The following MAGI3 variants were observed in gnomAD, a reference collection of about 807,000 sequenced individuals.
The protein encoded by MAGI3 is membrane associated guanylate kinase, WW and PDZ domain containing 3, also known as membrane-associated guanylate kinase, WW and PDZ domain-containing protein 3.
MAGI3 carries 43 observed loss-of-function variants against 121.8 expected under a neutral mutation model. The ratio of observed to expected loss-of-function variants is 0.35; its 90% CI spans 0.28 to 0.46. MAGI3 has a LOEUF of 0.46. MAGI3 is among the 20% of genes least tolerant of loss of function. MAGI3 has a pLI of 1.00. For missense variants in MAGI3, 1,547 were observed against 1,797.3 expected (o/e 0.86, Z 2.52); for synonymous variants, 553 against 639.3 (o/e 0.86, Z 2.04).
intron 1 of MAGI3, among the ~76,000 whole-genome samples, chr1:113,474,368 G>A (rs938595136): frequency 3.4e-4 from 52 of 152,138 alleles, no homozygotes; most frequent in African/African-American, 1.2e-3. Flanking sequence ...TATTGCCTAG[G>A]TTTTCTTCTA....
intron 1 of MAGI3, among the ~76,000 whole-genome samples, chr1:113,494,483 T>C (rs1252860975): frequency 1.3e-5 from 2 of 152,204 alleles, no homozygotes; most frequent in Non-Finnish European, 2.9e-5. Context: ...CAAACCTGCA[T>C]GTGTACCCTT....
At chr1:113,527,425 C>G (rs1658502281) in intron 1 of MAGI3, among the ~76,000 whole-genome samples, 1 of 152,102 alleles carries the variant, frequency 6.6e-6, no homozygotes, top group Admixed American at 6.6e-5. Context: ...AGAATGAATT[C>G]ACCCAAATGA....
chr1:113,456,432 T>C (rs1654762986), intron 1 of MAGI3, among the ~76,000 whole-genome samples: 1 of 152,236 alleles, frequency 6.6e-6, no homozygotes, highest in Non-Finnish European at 1.5e-5. Context: ...TATAGAAAGC[T>C]ATCCAGTTCA....
intron 2 of MAGI3, among the ~76,000 whole-genome samples, chr1:113,566,200 T>A (rs944704158): frequency 6.6e-6 from 1 of 152,186 alleles, no homozygotes; most frequent in African/African-American, 2.4e-5. Flanking sequence ...AAATTAAACA[T>A]ACACTTAACC....
At chr1:113,414,049 T>C (rs1652158664) in intron 1 of MAGI3, among the ~76,000 whole-genome samples, 1 of 152,112 alleles carries the variant, frequency 6.6e-6, no homozygotes, top group South Asian at 2.1e-4. Flanking sequence ...TGAGATACGT[T>C]CCATGAATAC....
chr1:113,683,749 G>A lies in MAGI3; in HGVS notation c.4181G>A (p.Ser1394Asn), dbSNP rs1416614774. 2 of 1,602,544 alleles carry A rather than the reference G, an allele frequency of 1.2e-6. No individual in the cohort carries two copies. Among genetic ancestry groups the A allele is most frequent in the Non-Finnish European group, 1.7e-6 (2 of 1,174,016 alleles). The change falls in exon 21 of 21, where the codon AGT (serine) becomes AAT (asparagine). Residue 1394 changes from serine (S) to asparagine (N), a missense_variant. By Grantham distance (46) the Ser-to-Asn change is conservative. Coordinates refer to ENST00000307546, the MANE Select transcript of MAGI3 (RefSeq NM_001142782.2). Reference sequence around the variant, plus strand: ...AAGAAAGTAACCACAGGAGAAACAAGTTCTAGTAACGATAAAATAGGAGAA... The same window carrying A: ...AAGAAAGTAACCACAGGAGAAACAAATTCTAGTAACGATAAAATAGGAGAA... The part of the protein sequence containing the change: ...KGKKVTTGET[S>N]SSNDKIGENV...
At chr1:113,421,006 A>G (rs1182178341) in intron 1 of MAGI3, among the ~76,000 whole-genome samples, 1 of 152,204 alleles carries the variant, frequency 6.6e-6, no homozygotes, top group Non-Finnish European at 1.5e-5. Context: ...TTATAGATTA[A>G]AACTTTTTTT....
chr1:113,575,400 C>G (rs112255321), intron 2 of MAGI3, among the ~76,000 whole-genome samples: 115 of 152,138 alleles, frequency 7.6e-4, no homozygotes, highest in African/African-American at 2.6e-3. Flanking sequence ...GGTTAATGTT[C>G]ATGTTATTGC....
At position 113,642,492 on chromosome 1, in the gene MAGI3, G is replaced by T. The variant is rs772683176; in HGVS notation, c.1942G>T (p.Val648Leu). Reference sequence around the variant, plus strand: ...AAAGCAGTTTCCAGTAGGTGCTGATGTACCATTGCTTATCTTAAGAGGAGG... The same window carrying T: ...AAAGCAGTTTCCAGTAGGTGCTGATTTACCATTGCTTATCTTAAGAGGAGG... ...VLKQFPVGAD[V>L]PLLILRGGPP... is the part of the protein sequence containing the mutation. The change falls in exon 10 of 21, where the codon GTA becomes TTA. Residue 648 changes from valine (V) to leucine (L), a missense_variant. Physicochemically the swap from Val to Leu is conservative, Grantham distance 32. Transcript: ENST00000307546. 8 of 1,612,682 alleles carry T rather than the reference G, an allele frequency of 5.0e-6. No individual in the cohort carries two copies. The highest frequency in any genetic ancestry group is 6.8e-6 in the Non-Finnish European group (8 of 1,178,974).
chr1:113,670,088 C>T (rs1212321167), intron 16 of MAGI3, among the ~76,000 whole-genome samples: 1 of 149,324 alleles, frequency 6.7e-6, no homozygotes, highest in Admixed American at 6.7e-5. Flanking sequence ...AGAGGAAACA[C>T]AACCCTCTGG....
chr1:113,531,855 A>G lies in MAGI3; in HGVS notation c.317-17660A>G, dbSNP rs191014396. Among the ~76,000 whole-genome samples the G allele has an allele frequency of 4.5e-3, 678 of 152,266 alleles. 8 individuals carry two copies. The highest frequency in any genetic ancestry group is 0.016 in the African/African-American group (650 of 41,552). On this transcript the variant is annotated intron_variant, in intron 1 of 20. Transcript: ENST00000307546. ...ACTGCAGCCACACTAAGGAACTAAA[A>G]CAACTTCATATGTATGAGCCTAGGA...
intron 1 of MAGI3, among the ~76,000 whole-genome samples, chr1:113,473,469 A>G (rs944102182): frequency 5.5e-5 from 7 of 128,424 alleles, no homozygotes; most frequent in East Asian, 5.0e-4. Flanking sequence ...CCTGTGTCCA[A>G]GTGATCTCAT....
In MAGI3 at chr1:113,685,406, CTTGTTGTGAA is replaced by C. The variant is rs998462349; in HGVS notation, c.*1393_*1402del. ...CACTTGTTCTGTCACCTGGGTTCAT[CTTGTTGTGAA>C]GCACATTAGGTCCAGGTCCTTCCCT... On this transcript the variant is annotated 3_prime_UTR_variant, in exon 21 of 21. Transcript: ENST00000307546. The C allele has an allele frequency of 1.3e-5, 2 of 152,330 alleles. No individual in the cohort carries two copies. The highest frequency in any genetic ancestry group is 6.5e-5 in the Admixed American group (1 of 15,282). 9.4% of individuals were successfully genotyped at this position (152,330 alleles called of 1,614,324 possible).
chr1:113,638,223 C>T (rs1047212562), intron 9 of MAGI3, among the ~76,000 whole-genome samples: 8 of 152,212 alleles, frequency 5.3e-5, no homozygotes, highest in Admixed American at 1.3e-4. Context: ...GCCTTCTTCT[C>T]TCAACTCGTC....
chr1:113,670,687 T>C (rs565037644), intron 16 of MAGI3, among the ~76,000 whole-genome samples: 34 of 152,228 alleles, frequency 2.2e-4, no homozygotes, highest in Non-Finnish European at 4.4e-5. Flanking sequence ...AACTGTTATA[T>C]TGTGACTATT....
chr1:113,564,967 A>G (rs531407622), intron 2 of MAGI3, among the ~76,000 whole-genome samples: 225 of 152,152 alleles, frequency 1.5e-3, no homozygotes, highest in African/African-American at 5.3e-3. Context: ...CTCCTGCCTC[A>G]GCCTCCTGAG....
chr1:113,583,659 ATC>A (rs1165351489), intron 3 of MAGI3, among the ~76,000 whole-genome samples: 5 of 151,930 alleles, frequency 3.3e-5, no homozygotes, highest in Non-Finnish European at 5.9e-5. Context: ...CCCCAGCCAA[ATC>A]TCTGTTTGGT....
chr1:113,643,748 C>T lies in MAGI3; in HGVS notation c.1972C>T (p.Pro658Ser), dbSNP rs759046714. The T allele has an allele frequency of 6.2e-7, 1 of 1,613,776 alleles. No homozygotes were observed. The part of the protein sequence containing the change: ...VPLLILRGGP[P>S]SPTKTAKMKT... Reference sequence around the variant, plus strand: ...TGGTTCATTTTTTTTTTAAGGTCCTCCTTCACCAACCAAAACTGCCAAAAT... The same window carrying T: ...TGGTTCATTTTTTTTTTAAGGTCCTTCTTCACCAACCAAAACTGCCAAAAT... The change falls in exon 11 of 21, where the codon CCT becomes TCT. Residue 658 changes from proline to serine, a missense_variant. Coordinates refer to ENST00000307546, the MANE Select transcript of MAGI3 (RefSeq NM_001142782.2).
chr1:113,581,891 C>G (rs1014983364), intron 3 of MAGI3, among the ~76,000 whole-genome samples: 2 of 151,990 alleles, frequency 1.3e-5, no homozygotes, highest in Non-Finnish European at 2.9e-5. Flanking sequence ...AAGAGAATCT[C>G]GGAATACTGT....
Sources: allele counts gnomAD v4.1 joint callset (sites outside exome capture counted in the v4.1 genomes callset), GRCh38; gene constraint gnomAD v4.1.1; transcripts MANE v1.5; gene names NCBI Gene and HGNC (gene_info 2026-07-23, HGNC 2026-07-21).